Variants in LRRC37A2 observed in about 807,000 individuals in gnomAD.
The protein encoded by LRRC37A2 is leucine rich repeat containing 37 member A2.
Under a neutral mutation model 68.8 loss-of-function variants are expected in LRRC37A2, and 9 were observed. That is an observed-to-expected ratio of 0.13 (90% confidence interval 0.08 to 0.23). The LOEUF (loss-of-function observed/expected upper bound fraction) is 0.23. Ranked by LOEUF, LRRC37A2 falls within the 10% of genes least tolerant of loss-of-function variation. The pLI, the probability that LRRC37A2 is intolerant of heterozygous loss-of-function variation, is 1.00. For missense variants in LRRC37A2, 168 were observed against 950.4 expected (o/e 0.18, Z 10.82); for synonymous variants, 63 against 367.6 (o/e 0.17, Z 9.48).
chr17:46,783,983 G>A, the LRRC37A2 span, among the ~76,000 whole-genome samples: 1 of 152,202 alleles, frequency 6.6e-6, no homozygotes, highest in Non-Finnish European at 1.5e-5. Context: ...GGGAGGCGGG[G>A]TTGACGTGGA....
the LRRC37A2 span, among the ~76,000 whole-genome samples, chr17:46,753,963 A>G: frequency 1.3e-5 from 2 of 152,172 alleles, no homozygotes; most frequent in African/African-American, 4.8e-5. Flanking sequence ...AGAGCTGAGG[A>G]TCTGCTCTGA....
the LRRC37A2 span, among the ~76,000 whole-genome samples, chr17:46,502,720 G>T: frequency 1.2e-4 from 18 of 151,290 alleles, 3 homozygotes; most frequent in African/African-American, 4.4e-4. Context: ...ACCTGTGAGG[G>T]TTTTTTGTTT....
chr17:46,558,486 A>C (rs1048176882), downstream of LRRC37A2, among the ~76,000 whole-genome samples: 6 of 120,578 alleles, frequency 5.0e-5, no homozygotes, highest in East Asian at 8.3e-4. Flanking sequence ...TTCCAGGTTC[A>C]AGTGATTCTC....
chr17:46,981,202 C>A, the LRRC37A2 span, among the ~76,000 whole-genome samples: 2 of 152,168 alleles, frequency 1.3e-5, no homozygotes. Flanking sequence ...TGAAGGGATT[C>A]GGGATGCCCC....
the LRRC37A2 span, among the ~76,000 whole-genome samples, chr17:47,000,349 CT>C: frequency 2.2e-4 from 33 of 151,682 alleles, no homozygotes; most frequent in Middle Eastern, 3.4e-3. Context: ...ATTCTCCTGC[CT>C]CAGCCTCCCA....
chr17:46,503,190 C>T, the LRRC37A2 span, among the ~76,000 whole-genome samples: 3 of 132,172 alleles, frequency 2.3e-5, no homozygotes, highest in East Asian at 4.5e-4. Flanking sequence ...CCAGCCTGGG[C>T]GACAGAGGGA....
At chr17:46,721,479 A>G in the LRRC37A2 span, 1 of 728,384 alleles carries the variant, frequency 1.4e-6, no homozygotes, top group Admixed American at 2.3e-5. Context: ...GTATGTTGAT[A>G]ATTTTACCTG....
At chr17:46,930,495 G>T in the LRRC37A2 span, 1 of 152,836 alleles carries the variant, frequency 6.5e-6, no homozygotes, top group African/African-American at 2.4e-5. Flanking sequence ...TACCTCTGTG[G>T]ATTCTTTCCT....
the LRRC37A2 span, among the ~76,000 whole-genome samples, chr17:46,708,436 T>C: frequency 6.6e-6 from 1 of 152,012 alleles, no homozygotes; most frequent in Non-Finnish European, 1.5e-5. Context: ...ATTTTCGTAA[T>C]GATTAGTGGT....
At chr17:46,710,470 A>G in the LRRC37A2 span, among the ~76,000 whole-genome samples, 1 of 152,180 alleles carries the variant, frequency 6.6e-6, no homozygotes, top group Admixed American at 6.5e-5. Flanking sequence ...CATTGGTGCC[A>G]TTTAACTATG....
the LRRC37A2 span, chr17:46,769,792 C>G: frequency 1.2e-5 from 20 of 1,611,266 alleles, no homozygotes; most frequent in Non-Finnish European, 1.6e-5. Context: ...CCGTGCGGCC[C>G]GCCTCGTTGT....
At chr17:46,943,363 C>T in the LRRC37A2 span, among the ~76,000 whole-genome samples, 1 of 152,336 alleles carries the variant, frequency 6.6e-6, no homozygotes, top group South Asian at 2.1e-4. Context: ...AGCCCCCAGC[C>T]CTCCCCACCA....
At chr17:46,834,996 C>CCTTCTT in the LRRC37A2 span, among the ~76,000 whole-genome samples, 1 of 144,914 alleles carries the variant, frequency 6.9e-6, no homozygotes, top group Admixed American at 6.7e-5. Flanking sequence ...TTCTCCTTCT[C>CCTTCTT]CTTCTTCTTC....
the LRRC37A2 span, among the ~76,000 whole-genome samples, chr17:46,852,624 G>A: frequency 6.6e-6 from 1 of 151,974 alleles, no homozygotes; most frequent in African/African-American, 2.4e-5. Flanking sequence ...GAGGGATGGG[G>A]GCGGGTATCA....
At chr17:46,904,910 C>A in the LRRC37A2 span, among the ~76,000 whole-genome samples, 1 of 152,110 alleles carries the variant, frequency 6.6e-6, no homozygotes, top group African/African-American at 2.4e-5. Context: ...CTCTTTGGGG[C>A]CCCTCCCGGG....
At chr17:46,929,621 T>G in the LRRC37A2 span, 2 of 1,025,102 alleles carry the variant, frequency 2.0e-6, no homozygotes, top group South Asian at 2.5e-5. Context: ...GTCCTTTCTC[T>G]GATGACAGGG....
At chr17:46,828,270 C>G in the LRRC37A2 span, among the ~76,000 whole-genome samples, 1 of 152,020 alleles carries the variant, frequency 6.6e-6, no homozygotes, top group East Asian at 1.9e-4. Context: ...AATTTTGGCT[C>G]AGTGCGACCT....
chr17:46,935,700 G>A, the LRRC37A2 span: 40 of 989,148 alleles, frequency 4.0e-5, no homozygotes, highest in East Asian at 1.1e-4. Flanking sequence ...GCCCGTGCTG[G>A]TGATCCCAGC....
the LRRC37A2 span, among the ~76,000 whole-genome samples, chr17:46,822,602 A>G: frequency 4.6e-5 from 7 of 152,172 alleles, no homozygotes; most frequent in African/African-American, 1.7e-4. Context: ...GGCATCCTCA[A>G]TTGTTGCTGG....
Sources: allele counts gnomAD v4.1 joint callset (sites outside exome capture counted in the v4.1 genomes callset), GRCh38; gene constraint gnomAD v4.1.1; transcripts MANE v1.5; gene names NCBI Gene and HGNC (gene_info 2026-07-23, HGNC 2026-07-21).